PLCH1: variants seen among roughly 807,000 people sequenced by gnomAD.
PLCH1 encodes the protein phospholipase C eta 1.
PLCH1 carries 60 observed loss-of-function variants against 126.7 expected under a neutral mutation model. The observed-to-expected ratio is 0.47, with a 90% confidence interval of 0.38 to 0.59. PLCH1 has a LOEUF of 0.59. Among genes scored for constraint, PLCH1 ranks in the 20% least tolerant of loss-of-function variants. The pLI, the probability that PLCH1 is intolerant of heterozygous loss-of-function variation, is 0.00. For synonymous variants in PLCH1, 719 were observed against 734.9 expected (o/e 0.98, Z 0.35); for missense variants, 1,723 against 2,040.0 (o/e 0.84, Z 2.99).
At chr3:155,699,977 C>T (rs149419051) in intron 2 of PLCH1, among the ~76,000 whole-genome samples, 3 of 152,258 alleles carry the variant, frequency 2.0e-5, no homozygotes, top group Non-Finnish European at 2.9e-5. Flanking sequence ...ATTCTCATAC[C>T]CCCGGCCTGA....
intron 21 of PLCH1, among the ~76,000 whole-genome samples, chr3:155,453,445 A>G (rs989618039): frequency 1.3e-5 from 2 of 152,196 alleles, no homozygotes; most frequent in Non-Finnish European, 2.9e-5. Flanking sequence ...TGCAGGAATT[A>G]TTTGTACTAT....
intron 2 of PLCH1, among the ~76,000 whole-genome samples, chr3:155,682,660 G>A (rs911548194): frequency 6.6e-6 from 1 of 152,168 alleles, no homozygotes; most frequent in African/African-American, 2.4e-5. Flanking sequence ...CCCTATGAAT[G>A]TGCCCAAGAT....
chr3:155,544,676 T>C (rs1419052707), intron 10 of PLCH1, among the ~76,000 whole-genome samples: 4 of 152,078 alleles, frequency 2.6e-5, no homozygotes. Flanking sequence ...TCAGAAATTA[T>C]AACAAACTGT....
intron 13 of PLCH1, among the ~76,000 whole-genome samples, chr3:155,501,322 T>G (rs1304663328): frequency 6.6e-6 from 1 of 152,226 alleles, no homozygotes; most frequent in Admixed American, 6.5e-5. Context: ...CATTTTCATT[T>G]CTAGCAGCAG....
chr3:155,480,842 G>A lies in PLCH1; in HGVS notation c.*126C>T, dbSNP rs1713894489. The A allele has an allele frequency of 1.2e-6, 1 of 811,344 alleles. No homozygotes were observed. The highest frequency in any genetic ancestry group is 2.0e-6 in the Non-Finnish European group (1 of 512,398). 50.3% of individuals were successfully genotyped at this position (811,344 alleles called of 1,614,324 possible). A position where few individuals can be genotyped will look rare whatever the true frequency, so the allele number is the denominator to read the frequency against. Reference sequence around the variant, plus strand: ...AACAGGGAGAACACATGAAGTCAAAGGGAGACCCAAATACAAGTTTAAAAA... The same window carrying A: ...AACAGGGAGAACACATGAAGTCAAAAGGAGACCCAAATACAAGTTTAAAAA... On this transcript the variant is annotated 3_prime_UTR_variant, in exon 23 of 23. Coordinates refer to ENST00000460012, the MANE Select transcript of PLCH1 (RefSeq NM_014996.4).
chr3:155,644,288 G>A (rs1416798665), intron 2 of PLCH1, among the ~76,000 whole-genome samples: 1 of 152,112 alleles, frequency 6.6e-6, no homozygotes, highest in Non-Finnish European at 1.5e-5. Flanking sequence ...TTATTGAAGT[G>A]AGTATAAGAA....
chr3:155,626,265 A>G (rs1288341233), intron 2 of PLCH1, among the ~76,000 whole-genome samples: 3 of 152,164 alleles, frequency 2.0e-5, no homozygotes, highest in Non-Finnish European at 2.9e-5. Context: ...GAAGCCCCCA[A>G]TGTCAGAAAC....
intron 2 of PLCH1, among the ~76,000 whole-genome samples, chr3:155,613,193 G>A (rs1468647711): frequency 6.6e-6 from 1 of 152,084 alleles, no homozygotes; most frequent in African/African-American, 2.4e-5. Context: ...AGGACCAGAT[G>A]GATTCACAGC....
At chr3:155,681,539 T>C (rs781114079) in intron 2 of PLCH1, among the ~76,000 whole-genome samples, 2 of 152,186 alleles carry the variant, frequency 1.3e-5, no homozygotes, top group Non-Finnish European at 2.9e-5. Context: ...GATAAGGTAA[T>C]ACGGAGATCT....
intron 10 of PLCH1, among the ~76,000 whole-genome samples, chr3:155,543,984 C>T (rs1362989318): frequency 4.6e-5 from 7 of 151,740 alleles, no homozygotes; most frequent in Non-Finnish European, 5.9e-5. Flanking sequence ...CATCAACTAA[C>T]GAGCAAATAA....
At position 155,566,183 on chromosome 3, in the gene PLCH1, A is replaced by G. The variant is rs564481241; in HGVS notation, c.866-1065T>C. Among the ~76,000 whole-genome samples, 8 of 68,248 alleles carry G rather than the reference A, an allele frequency of 1.2e-4. 1 individual carries two copies. The South Asian group carries it at 2.8e-3, about 24-fold the overall frequency. 44.8% of individuals were successfully genotyped at this position (68,248 alleles called of 152,430 possible). ...CACATACATATATACACATATATAC[A>G]CATATATATACACATACATATATAC... On this transcript the variant is annotated intron_variant, in intron 7 of 22. Coordinates refer to ENST00000460012, the MANE Select transcript of PLCH1 (RefSeq NM_014996.4).
At chr3:155,582,145 A>C (rs180941359) in intron 6 of PLCH1, among the ~76,000 whole-genome samples, 2 of 130,732 alleles carry the variant, frequency 1.5e-5, no homozygotes, top group East Asian at 4.4e-4. Flanking sequence ...GCAGGGGCTC[A>C]ATCTCAGCTC....
chr3:155,526,566 T>C (rs944389821), intron 10 of PLCH1, among the ~76,000 whole-genome samples: 4 of 149,562 alleles, frequency 2.7e-5, no homozygotes, highest in African/African-American at 9.9e-5. Flanking sequence ...GAGACCCACA[T>C]GGCAGGGAGG....
rs1236413397 is a variant in PLCH1 at position 155,565,076 on chromosome 3, T to C, written c.908A>G (p.Asn303Ser). The C allele has an allele frequency of 1.9e-6, 3 of 1,613,872 alleles. No individual in the cohort carries two copies. The highest frequency in any genetic ancestry group is 3.3e-5 in the Admixed American group (2 of 60,012). ...TTGGTACACTTCATGGTGCAATGGGTTAAATATGTCACAGGCAGGACTACG... is the reference window on the plus strand; with the variant it reads ...TTGGTACACTTCATGGTGCAATGGGCTAAATATGTCACAGGCAGGACTACG... ...FMRSPACDIFNPLHHEVYQDM... is the reference protein window; with the variant it reads ...FMRSPACDIFSPLHHEVYQDM... The change falls in exon 8 of 23, where the codon AAC (asparagine) becomes AGC (serine). Residue 303 changes from asparagine to serine, a missense_variant. By Grantham distance (46) the Asn-to-Ser change is conservative. Transcript: ENST00000460012.
At position 155,485,707 on chromosome 3, in the gene PLCH1, T is replaced by C. The variant is rs1397699340; in HGVS notation, c.2623A>G (p.Arg875Gly). 6.3e-7 allele frequency: 1 copy of C among 1,579,198 alleles called. No individual in the cohort carries two copies. Among genetic ancestry groups the C allele is most frequent in the Non-Finnish European group, 8.6e-7 (1 of 1,165,058 alleles). Residue 875 changes from arginine (R) to glycine (G), a missense_variant, in exon 22 of 23, where the codon AGA (arginine) becomes GGA (glycine). By Grantham distance (125) the Arg-to-Gly change is moderately radical. Around this residue, in one of 2 missense-constraint regions of PLCH1, gnomAD observed 947 missense variants for 977.1 expected, o/e 0.97. Coordinates refer to ENST00000460012, the MANE Select transcript of PLCH1 (RefSeq NM_014996.4). ...ITINEIYGKN[R>G]QLQGLKGLFN... Reference sequence around the variant, plus strand: ...AGTCCCTTCAGACCCTGGAGTTGTCTGTTCTGAAGACACAAAAGAACCAAC... The same window carrying C: ...AGTCCCTTCAGACCCTGGAGTTGTCCGTTCTGAAGACACAAAAGAACCAAC...
intron 6 of PLCH1, among the ~76,000 whole-genome samples, chr3:155,580,972 CATA>C (rs1169460237): frequency 6.6e-6 from 1 of 152,148 alleles, no homozygotes; most frequent in East Asian, 1.9e-4. Flanking sequence ...AGTATCTATT[CATA>C]CAAGGAAATG....
At chr3:155,463,797 T>C (rs1286465386) in intron 21 of PLCH1, among the ~76,000 whole-genome samples, 1 of 151,914 alleles carries the variant, frequency 6.6e-6, no homozygotes, top group Non-Finnish European at 1.5e-5. Flanking sequence ...AAGAGAAATA[T>C]AAAAAGATAA....
chr3:155,601,598 A>G (rs1050366146), intron 2 of PLCH1, among the ~76,000 whole-genome samples: 3 of 152,178 alleles, frequency 2.0e-5, no homozygotes, highest in Non-Finnish European at 4.4e-5. Flanking sequence ...TCAACCAAGT[A>G]TGTATGACAT....
chr3:155,648,328 T>C lies in PLCH1; in HGVS notation c.80-51950A>G, dbSNP rs143118755. 1.4e-4 allele frequency among the ~76,000 whole-genome samples: 22 copies of C among 152,318 alleles called. No homozygotes were observed. In the East Asian group the frequency reaches 2.5e-3, roughly 17 times the overall value. Reference sequence around the variant, plus strand: ...AGGCAGAAGAACCATCACCACAAGATGTTAGGGCCTTGGGAAGGAAAAGCA... The same window carrying C: ...AGGCAGAAGAACCATCACCACAAGACGTTAGGGCCTTGGGAAGGAAAAGCA... On this transcript the variant is annotated intron_variant, in intron 2 of 22. Coordinates refer to ENST00000460012, the MANE Select transcript of PLCH1 (RefSeq NM_014996.4).
Sources: gnomAD v4.1 joint callset for allele counts (sites outside exome capture counted in the v4.1 genomes callset) on GRCh38, gnomAD v4.1.1 for gene constraint, gnomAD v4.1.1 regional missense constraint, MANE v1.5 for transcripts, NCBI Gene and HGNC (gene_info 2026-07-23, HGNC 2026-07-21) for gene names.